ZNF257: variants seen among roughly 807,000 people sequenced by gnomAD.
ZNF257 encodes the protein bone marrow zinc finger 4.
In ZNF257, 12 loss-of-function variants were observed where a neutral mutation model predicts 11.9. The ratio of observed to expected loss-of-function variants is 1.01; its 90% CI spans 0.65 to 1.63. The LOEUF (loss-of-function observed/expected upper bound fraction) is 1.63, where lower values mean the gene tolerates loss of function less well. Among genes scored for constraint, ZNF257 ranks in the 40% most tolerant of loss-of-function variants. The pLI is 0.00. For synonymous variants in ZNF257, 183 were observed against 222.7 expected, an observed-to-expected ratio of 0.82 and a Z score of 1.59; for missense variants, 580 against 665.5, an observed-to-expected ratio of 0.87 and a Z score of 1.41.
At chr19:22,076,118 A>C (rs1305548209) in intron 3 of ZNF257, among the ~76,000 whole-genome samples, 1 of 152,078 alleles carries the variant, frequency 6.6e-6, no homozygotes, top group Admixed American at 6.6e-5. Context: ...ATTTACTAAT[A>C]TAGTTACTTA....
chr19:22,090,099 A>G lies in ZNF257; in HGVS notation c.*657A>G, dbSNP rs976300065. 1.3e-5 allele frequency: 2 copies of G among 152,542 alleles called. No individual in the cohort carries two copies. The highest frequency in any genetic ancestry group is 4.8e-5 in the African/African-American group (2 of 41,424). 9.4% of individuals were successfully genotyped at this position (152,542 alleles called of 1,614,324 possible). The stretch of plus-strand genomic sequence containing the variant: ...GTACAGGAAAGCATTTATAGTTGAG[A>G]AATGGTGTACAAATATAAAGAATGT... On this transcript the variant is annotated 3_prime_UTR_variant, in exon 4 of 4. Coordinates refer to ENST00000594947, the MANE Select transcript of ZNF257 (RefSeq NM_033468.4).
chr19:22,080,861 A>G (rs2022340936), intron 3 of ZNF257, among the ~76,000 whole-genome samples: 2 of 146,972 alleles, frequency 1.4e-5, no homozygotes, highest in African/African-American at 5.1e-5. Context: ...TACATTAATT[A>G]TATTATATAT....
At chr19:22,081,113 G>C (rs908046703) in intron 3 of ZNF257, among the ~76,000 whole-genome samples, 1 of 151,698 alleles carries the variant, frequency 6.6e-6, no homozygotes, top group Admixed American at 6.6e-5. Context: ...TCCTGACCTC[G>C]TCATCCACCT....
At position 22,090,248 on chromosome 19, in the gene ZNF257, G is replaced by T. The variant is rs1036906967; in HGVS notation, c.*806G>T. On this transcript the variant is annotated 3_prime_UTR_variant, in exon 4 of 4. Coordinates refer to ENST00000594947, the MANE Select transcript of ZNF257 (RefSeq NM_033468.4). ...ATATAAACCTTTAAAGTGAAGAAGA[G>T]TTCATTCTAAAGACAAACATTACAA... is the stretch of plus-strand genomic sequence containing the variant. The T allele has an allele frequency of 6.6e-6, 1 of 152,070 alleles. No individual in the cohort carries two copies. Among genetic ancestry groups the T allele is most frequent in the Non-Finnish European group, 1.5e-5 (1 of 67,986 alleles). 9.4% of individuals were successfully genotyped at this position (152,070 alleles called of 1,614,324 possible).
chr19:22,067,833 C>CA (rs950965579), intron 1 of ZNF257, among the ~76,000 whole-genome samples: 36 of 148,842 alleles, frequency 2.4e-4, no homozygotes, highest in Admixed American at 1.7e-3. Flanking sequence ...GACTCTATCT[C>CA]AAAAAAAATA....
At chr19:22,068,361 A>G (rs1385965092) in intron 1 of ZNF257, among the ~76,000 whole-genome samples, 1 of 152,084 alleles carries the variant, frequency 6.6e-6, no homozygotes, top group Non-Finnish European at 1.5e-5. Context: ...AGCCTCTAGG[A>G]GAACATCTCT....
Position 22,085,808 on chromosome 19 carries a change from C to T in ZNF257, c.227-2169C>T, listed in dbSNP as rs80197259. On this transcript the variant is annotated intron_variant, in intron 3 of 3. Coordinates refer to ENST00000594947, the MANE Select transcript of ZNF257 (RefSeq NM_033468.4). ...TCTTTTTGAGTTTTGACTTCATATA[C>T]ATTTTATATAATATGAGTTTTTGAC... 5.4e-3 allele frequency among the ~76,000 whole-genome samples: 828 copies of T among 152,110 alleles called. 5 individuals are homozygous for T. Among genetic ancestry groups the T allele is most frequent in the African/African-American group, 0.018 (761 of 41,466 alleles).
chr19:22,058,739 T>A (rs1157998780), intron 1 of ZNF257, among the ~76,000 whole-genome samples: 1 of 152,146 alleles, frequency 6.6e-6, no homozygotes, highest in Non-Finnish European at 1.5e-5. Flanking sequence ...ACTGAAAACT[T>A]AAAGGAAAGA....
chr19:22,067,641 C>A (rs540417244), intron 1 of ZNF257, among the ~76,000 whole-genome samples: 3 of 152,026 alleles, frequency 2.0e-5, no homozygotes, highest in Admixed American at 6.5e-5. Flanking sequence ...TCAAGACCAG[C>A]CTGGCCAACA....
chr19:22,067,065 T>G (rs2021968868), intron 1 of ZNF257, among the ~76,000 whole-genome samples: 1 of 152,152 alleles, frequency 6.6e-6, no homozygotes, highest in Non-Finnish European at 1.5e-5. Flanking sequence ...GGACTTTCCC[T>G]CTCAGGCTTC....
chr19:22,059,340 T>G, intron 1 of ZNF257, among the ~76,000 whole-genome samples: 1 of 152,350 alleles, frequency 6.6e-6, no homozygotes, highest in South Asian at 2.1e-4. Flanking sequence ...TATTGTTCTC[T>G]TTGTGTCTAT....
chr19:22,072,864 G>A lies in ZNF257; in HGVS notation c.59G>A (p.Cys20Tyr), dbSNP rs200968831. 1.2e-4 allele frequency: 186 copies of A among 1,613,266 alleles called. No individual in the cohort carries two copies. Among genetic ancestry groups the A allele is most frequent in the Non-Finnish European group, 1.5e-4 (177 of 1,179,682 alleles). Residue 20 changes from cysteine (C) to tyrosine (Y), a missense_variant, in exon 2 of 4, where the codon TGC becomes TAC. By Grantham distance (194) the Cys-to-Tyr change is radical. Coordinates refer to ENST00000594947, the MANE Select transcript of ZNF257 (RefSeq NM_033468.4). ...TVEFSLEEWH[C>Y]LDTAQQNLYR... ...GAATTCTCTCTGGAGGAGTGGCATT[G>A]CCTGGACACTGCACAGCAGAATTTA...
At chr19:22,062,223 C>CTTTTTT (rs34283330) in intron 1 of ZNF257, among the ~76,000 whole-genome samples, 50 of 101,798 alleles carry the variant, frequency 4.9e-4, no homozygotes, top group African/African-American at 1.8e-3. Context: ...ACTGCGCCTG[C>CTTTTTT]TTTTTTTTTT....
intron 3 of ZNF257, among the ~76,000 whole-genome samples, chr19:22,076,017 C>G (rs905892282): frequency 1.3e-5 from 2 of 151,262 alleles, no homozygotes; most frequent in Middle Eastern, 3.4e-3. Flanking sequence ...TTCAAATGTG[C>G]CTGTAATTTT....
chr19:22,073,741 AT>A (rs1355798607), intron 3 of ZNF257, among the ~76,000 whole-genome samples, 177 bp downstream of exon 3: 7 of 151,864 alleles, frequency 4.6e-5, no homozygotes, highest in African/African-American at 1.5e-4. Flanking sequence ...TTTCTGTCTT[AT>A]GCTTTTAAAT....
rs182972640 is a variant in ZNF257, at chr19:22,073,566, T to G, written c.226+2T>G. On this transcript the variant is annotated splice_donor_variant, in intron 3 of 3. Transcript: ENST00000594947. LOFTEE classifies it high-confidence loss of function. ...ATGAGATGGTAGCCAAACCCCCAGG[T>G]AGGTGAGAGTGAAAGCCAGTACAAC... is the stretch of plus-strand genomic sequence containing the variant. The G allele has an allele frequency of 5.0e-5, 80 of 1,609,478 alleles. 2 individuals are homozygous for G. In the East Asian group the frequency reaches 1.8e-3, roughly 36 times the overall value.
At chr19:22,069,118 G>A (rs192533430) in intron 1 of ZNF257, among the ~76,000 whole-genome samples, 6 of 152,150 alleles carry the variant, frequency 3.9e-5, no homozygotes, top group Admixed American at 2.0e-4. Flanking sequence ...CTGGAGATTC[G>A]AACAGTTAAA....
At chr19:22,069,058 C>T (rs2022032195) in intron 1 of ZNF257, among the ~76,000 whole-genome samples, 1 of 152,068 alleles carries the variant, frequency 6.6e-6, no homozygotes, top group Non-Finnish European at 1.5e-5. Context: ...GGTTGGTACC[C>T]AGATGACAGT....
At chr19:22,078,694 ATTT>A (rs1277473087) in intron 3 of ZNF257, among the ~76,000 whole-genome samples, 1 of 150,790 alleles carries the variant, frequency 6.6e-6, no homozygotes, top group Admixed American at 6.6e-5. Context: ...TTGGTTAATT[ATTT>A]TTTATGTCTG....
Sources: gnomAD v4.1 joint callset for allele counts (sites outside exome capture counted in the v4.1 genomes callset) on GRCh38, gnomAD v4.1.1 for gene constraint, MANE v1.5 for transcripts, NCBI Gene and HGNC (gene_info 2026-07-23, HGNC 2026-07-21) for gene names.